The following TRIO variants were observed in gnomAD, a reference collection of about 807,000 sequenced individuals.
The protein encoded by TRIO is triple functional domain protein.
TRIO carries 58 observed loss-of-function variants against 351.9 expected under a neutral mutation model. The ratio of observed to expected loss-of-function variants is 0.16; its 90% confidence interval spans 0.13 to 0.21. TRIO has a LOEUF of 0.21. Among genes scored for constraint, TRIO ranks in the 10% least tolerant of loss-of-function variants. TRIO has a pLI of 1.00. For synonymous variants in TRIO, 1,758 were observed against 1,595.7 expected, an observed-to-expected ratio of 1.10 and a Z score of -2.42; for missense variants, 3,201 against 4,027.8, an observed-to-expected ratio of 0.79 and a Z score of 5.56.
chr5:14,245,161 T>G (rs1425721604), intron 1 of TRIO, among the ~76,000 whole-genome samples: 1 of 152,220 alleles, frequency 6.6e-6, no homozygotes, highest in Non-Finnish European at 1.5e-5. Context: ...TTCTCAACTT[T>G]GAACATCCAC....
chr5:14,414,333 G>A (rs752807255), intron 33 of TRIO, among the ~76,000 whole-genome samples: 6 of 152,248 alleles, frequency 3.9e-5, no homozygotes, highest in Non-Finnish European at 5.9e-5. Context: ...AGCCTAATGC[G>A]AGGGAGCTGC....
At chr5:14,394,017 T>A (rs376286155) in intron 27 of TRIO, 21 bp from the exon 28 acceptor site, 24 of 1,572,798 alleles carry the variant, frequency 1.5e-5, no homozygotes, top group Non-Finnish European at 2.0e-5. Flanking sequence ...AACTCTTGTT[T>A]CTTGTTTGGT....
intron 15 of TRIO, 72 bp from the exon 16 acceptor site, chr5:14,366,788 A>T (rs533239154): frequency 3.7e-6 from 6 of 1,602,232 alleles, no homozygotes; most frequent in Non-Finnish European, 8.5e-7. Context: ...GCACGCTTGT[A>T]TCTCACCCCT....
rs1561513227 is a variant in TRIO at position 14,457,372 on chromosome 5, C to CT, written c.5204-3646dup. Among the ~76,000 whole-genome samples, 2 of 52,050 alleles carry CT rather than the reference C, an allele frequency of 3.8e-5. 1 individual carries two copies. The highest frequency in any genetic ancestry group is 9.6e-4 in the East Asian group (2 of 2,078). The allele number at this position is 52,050 out of a possible 152,430, so 34.1% of individuals were successfully genotyped here. A position where few individuals can be genotyped will look rare whatever the true frequency, so the allele number is the denominator to read the frequency against. ...AGCTCCCACCTTGGGCAGCCCTGAC[C>CT]TCCCCCCCCCCCCCCGCCCCGCCCC... On this transcript the variant is annotated intron_variant, in intron 34 of 56. Transcript: ENST00000344204.
chr5:14,150,843 C>T (rs1377244394), intron 1 of TRIO, among the ~76,000 whole-genome samples: 1 of 152,098 alleles, frequency 6.6e-6, no homozygotes, highest in Non-Finnish European at 1.5e-5. Context: ...CGGGGGTGAT[C>T]TAGGGTAATG....
intron 37 of TRIO, 123 bp downstream of exon 37, chr5:14,465,763 C>A: frequency 9.4e-7 from 1 of 1,061,286 alleles, no homozygotes; most frequent in Non-Finnish European, 1.4e-6. Context: ...TATGGCACAT[C>A]TCAGGAGTCC....
chr5:14,153,615 G>A (rs992009239), intron 1 of TRIO, among the ~76,000 whole-genome samples: 3 of 152,118 alleles, frequency 2.0e-5, no homozygotes, highest in African/African-American at 7.2e-5. Flanking sequence ...CCTTCAGCAG[G>A]TGGATGCCAT....
intron 5 of TRIO, among the ~76,000 whole-genome samples, chr5:14,292,096 T>TTA (rs1336336605): frequency 6.6e-6 from 1 of 152,254 alleles, no homozygotes; most frequent in Non-Finnish European, 1.5e-5. Context: ...GAATTAATCA[T>TTA]TGAGTTTTAT....
rs575188287 is a variant in TRIO at position 14,148,233 on chromosome 5, A to G, written c.157+4351A>G. Among the ~76,000 whole-genome samples, 123 of 152,334 alleles carry G rather than the reference A, an allele frequency of 8.1e-4. 2 individuals are homozygous for G. The highest frequency in any genetic ancestry group is 2.6e-3 in the African/African-American group (107 of 41,582). On this transcript the variant is annotated intron_variant, in intron 1 of 56. Transcript: ENST00000344204. ...GTTCAAAATGAAGCATGTGGTTTACATATGTTTCCTAAATGTACCCTAAAA... is the reference window on the plus strand; with the variant it reads ...GTTCAAAATGAAGCATGTGGTTTACGTATGTTTCCTAAATGTACCCTAAAA...
At chr5:14,219,159 CTTAAGT>C (rs1322457253) in intron 1 of TRIO, among the ~76,000 whole-genome samples, 3 of 152,108 alleles carry the variant, frequency 2.0e-5, no homozygotes, top group Non-Finnish European at 2.9e-5. Flanking sequence ...GCATAAGAAA[CTTAAGT>C]TTAAGGCCAA....
intron 6 of TRIO, among the ~76,000 whole-genome samples, chr5:14,293,753 C>T (rs1470327175): frequency 6.6e-6 from 1 of 152,168 alleles, no homozygotes; most frequent in Non-Finnish European, 1.5e-5. Flanking sequence ...CAAAACCAAA[C>T]CAAAACACTG....
At chr5:14,240,401 A>C (rs554528298) in intron 1 of TRIO, among the ~76,000 whole-genome samples, 1 of 152,356 alleles carries the variant, frequency 6.6e-6, no homozygotes, top group East Asian at 1.9e-4. Flanking sequence ...CAATATTCTT[A>C]TGTCTGTGAA....
chr5:14,293,437 CG>C (rs1737078171), intron 6 of TRIO, among the ~76,000 whole-genome samples: 1 of 152,224 alleles, frequency 6.6e-6, no homozygotes, highest in East Asian at 1.9e-4. Flanking sequence ...TAGGAGCCCA[CG>C]GGGGCCCCAG....
intron 9 of TRIO, among the ~76,000 whole-genome samples, chr5:14,323,578 C>G (rs892901545): frequency 5.3e-5 from 8 of 152,214 alleles, no homozygotes; most frequent in African/African-American, 1.9e-4. Flanking sequence ...AAAAGGAGCT[C>G]CCATGACCAC....
At chr5:14,395,281 T>C (rs1747462303) in intron 28 of TRIO, among the ~76,000 whole-genome samples, 3 of 152,264 alleles carry the variant, frequency 2.0e-5, no homozygotes, top group Non-Finnish European at 4.4e-5. Context: ...CGCAGAAATA[T>C]ATAGTTACTA....
chr5:14,467,871 T>G (rs1214034997), intron 37 of TRIO, among the ~76,000 whole-genome samples: 1 of 152,188 alleles, frequency 6.6e-6, no homozygotes, highest in African/African-American at 2.4e-5. Context: ...AGCTACATCC[T>G]TGGTATCTCT....
At chr5:14,492,871 C>A in intron 49 of TRIO, 57 bp downstream of exon 49, 1 of 1,592,858 alleles carries the variant, frequency 6.3e-7, no homozygotes. Context: ...GGGCACAGCA[C>A]CCGTGAGGCA....
chr5:14,445,352 C>G (rs1479930981), intron 34 of TRIO, among the ~76,000 whole-genome samples: 1 of 152,160 alleles, frequency 6.6e-6, no homozygotes, highest in Admixed American at 6.5e-5. Flanking sequence ...TCTAGTTTCT[C>G]TGAAACTATA....
chr5:14,476,791 CAA>C (rs532716092), intron 40 of TRIO, 101 bp from the exon 41 acceptor site: 1,183 of 825,060 alleles, frequency 1.4e-3, no homozygotes, highest in East Asian at 1.9e-3. Context: ...GACACTCTCT[CAA>C]AAAAAAAAAA....
Sources: allele counts gnomAD v4.1 joint callset (sites outside exome capture counted in the v4.1 genomes callset), GRCh38; gene constraint gnomAD v4.1.1; transcripts MANE v1.5; gene names NCBI Gene and HGNC (gene_info 2026-07-23, HGNC 2026-07-21).